NRG3: variants seen among roughly 807,000 people sequenced by gnomAD.
NRG3 encodes neuregulin 3, also known as pro-neuregulin-3, membrane-bound isoform.
A neutral mutation model predicts 66.9 loss-of-function variants in NRG3; 31 were observed. That is an observed-to-expected ratio of 0.46 (90% CI 0.35 to 0.63). NRG3 has a LOEUF of 0.63. Ranked by LOEUF, NRG3 falls within the 20% of genes least tolerant of loss-of-function variation. NRG3 has a pLI of 0.00. For missense variants in NRG3, 910 were observed against 878.9 expected, an observed-to-expected ratio of 1.04 and a Z score of -0.45; for synonymous variants, 393 against 359.4, an observed-to-expected ratio of 1.09 and a Z score of -1.06.
At chr10:81,996,652 A>G (rs1418947956) in intron 1 of NRG3, among the ~76,000 whole-genome samples, 2 of 152,112 alleles carry the variant, frequency 1.3e-5, no homozygotes, top group Non-Finnish European at 2.9e-5. Context: ...ATATGCTTAC[A>G]GAGAGACTGA....
chr10:82,971,436 CTTTT>C (rs11289529), intron 6 of NRG3, among the ~76,000 whole-genome samples: 20 of 121,866 alleles, frequency 1.6e-4, no homozygotes, highest in Admixed American at 4.3e-4. Context: ...GAAAGCCGTT[CTTTT>C]TTTTTTTTTT....
intron 2 of NRG3, among the ~76,000 whole-genome samples, chr10:82,723,440 C>T (rs897616413): frequency 1.1e-4 from 16 of 152,036 alleles, no homozygotes; most frequent in East Asian, 3.8e-4. Flanking sequence ...ATGTTACAAA[C>T]GTGCATATGT....
At chr10:82,929,538 T>G (rs1847344033) in intron 4 of NRG3, among the ~76,000 whole-genome samples, 1 of 152,208 alleles carries the variant, frequency 6.6e-6, no homozygotes, top group South Asian at 2.1e-4. Context: ...TTAACAAGTT[T>G]GTCTTCCTTG....
At chr10:82,399,846 A>G (rs2136042542) in intron 2 of NRG3, among the ~76,000 whole-genome samples, 1 of 152,320 alleles carries the variant, frequency 6.6e-6, no homozygotes, top group African/African-American at 2.4e-5. Context: ...TTGTTGGCAC[A>G]TAGGCATTTG....
chr10:81,964,624 A>C (rs1199803607), intron 1 of NRG3, among the ~76,000 whole-genome samples: 2 of 152,106 alleles, frequency 1.3e-5, no homozygotes, highest in African/African-American at 4.8e-5. Flanking sequence ...TGTGTCTAGA[A>C]TGGAATACTG....
chr10:82,384,484 G>A (rs2085847341), intron 2 of NRG3, among the ~76,000 whole-genome samples: 1 of 151,982 alleles, frequency 6.6e-6, no homozygotes, highest in Non-Finnish European at 1.5e-5. Context: ...ATGTGTCCAT[G>A]TGTTATTATC....
At chr10:82,711,457 T>A (rs2256262) in intron 2 of NRG3, among the ~76,000 whole-genome samples, 136,719 of 151,960 alleles carry the variant, frequency 0.9, 61,642 homozygotes, top group East Asian at 1. Context: ...GCTTAAATTT[T>A]TAAAAATATA....
chr10:82,598,771 C>T (rs191688589), intron 2 of NRG3, among the ~76,000 whole-genome samples: 9 of 152,168 alleles, frequency 5.9e-5, no homozygotes, highest in Admixed American at 2.0e-4. Context: ...GAGAAGAGGC[C>T]GGGCACTGTT....
chr10:82,942,618 G>A (rs2132277949), intron 4 of NRG3, among the ~76,000 whole-genome samples: 1 of 152,360 alleles, frequency 6.6e-6, no homozygotes, highest in South Asian at 2.1e-4. Flanking sequence ...ACAGTGGAGA[G>A]AATCTTTTTG....
chr10:82,514,851 T>G (rs1172097885), intron 2 of NRG3, among the ~76,000 whole-genome samples: 1 of 152,212 alleles, frequency 6.6e-6, no homozygotes, highest in Non-Finnish European at 1.5e-5. Context: ...TGTTGATATA[T>G]TCTAGTGGAT....
At chr10:82,637,255 A>G (rs1440106605) in intron 2 of NRG3, among the ~76,000 whole-genome samples, 1 of 152,208 alleles carries the variant, frequency 6.6e-6, no homozygotes, top group Non-Finnish European at 1.5e-5. Context: ...CCTACTGGCC[A>G]AATTTGGGAT....
chr10:82,208,846 C>G (rs2075260523), intron 1 of NRG3, among the ~76,000 whole-genome samples: 1 of 151,984 alleles, frequency 6.6e-6, no homozygotes, highest in African/African-American at 2.4e-5. Context: ...ATAAAGTTAT[C>G]CAGAATTGTT....
chr10:82,348,048 G>T lies in NRG3; in HGVS notation c.824-10691G>T, dbSNP rs1014396158. ...TTTCCCAGTCTGTGTCTTTTAATTGGAGCATTTAGTCCATTTACATTTAAA... is the reference window on the plus strand; with the variant it reads ...TTTCCCAGTCTGTGTCTTTTAATTGTAGCATTTAGTCCATTTACATTTAAA... On this transcript the variant is annotated intron_variant, in intron 1 of 8. Transcript: ENST00000372141. Among the ~76,000 whole-genome samples the T allele has an allele frequency of 4.7e-3, 713 of 151,702 alleles. 5 individuals are homozygous for T. Among genetic ancestry groups the T allele is most frequent in the African/African-American group, 0.017 (683 of 41,362 alleles).
intron 1 of NRG3, among the ~76,000 whole-genome samples, chr10:81,940,874 A>G (rs183634014): frequency 6.6e-6 from 1 of 152,206 alleles, no homozygotes; most frequent in African/African-American, 2.4e-5. Context: ...ATCCTATCAC[A>G]TCTTGATTTG....
intron 1 of NRG3, among the ~76,000 whole-genome samples, chr10:82,065,684 AAAT>A (rs2064414677): frequency 6.6e-6 from 1 of 152,192 alleles, no homozygotes; most frequent in Non-Finnish European, 1.5e-5. Context: ...TCTAGTTAGA[AAAT>A]AAAAAAGGAG....
At chr10:82,317,485 T>G (rs2081355891) in intron 1 of NRG3, among the ~76,000 whole-genome samples, 1 of 152,192 alleles carries the variant, frequency 6.6e-6, no homozygotes, top group Non-Finnish European at 1.5e-5. Flanking sequence ...GTCTATGTAG[T>G]TTCAGGTCTT....
chr10:82,768,238 G>A (rs1026804497), intron 3 of NRG3, among the ~76,000 whole-genome samples: 17 of 152,076 alleles, frequency 1.1e-4, no homozygotes, highest in South Asian at 4.1e-4. Context: ...TACTAGGCAC[G>A]TTTTTAGTCT....
chr10:82,518,445 T>A (rs544664808), intron 2 of NRG3, among the ~76,000 whole-genome samples: 1 of 152,290 alleles, frequency 6.6e-6, no homozygotes, highest in South Asian at 2.1e-4. Flanking sequence ...CAATTAATGA[T>A]AAGCAGATCA....
chr10:81,927,495 A>C (rs1846920631), intron 1 of NRG3, among the ~76,000 whole-genome samples: 1 of 152,198 alleles, frequency 6.6e-6, no homozygotes, highest in Non-Finnish European at 1.5e-5. Context: ...GTTGCTATTA[A>C]TTAATGAGAA....
Sources: gnomAD v4.1 joint callset for allele counts (sites outside exome capture counted in the v4.1 genomes callset) on GRCh38, gnomAD v4.1.1 for gene constraint, MANE v1.5 for transcripts, NCBI Gene and HGNC (gene_info 2026-07-23, HGNC 2026-07-21) for gene names.